The following SEPTIN9 variants were observed in gnomAD, a reference collection of about 807,000 sequenced individuals.
The protein encoded by SEPTIN9 is septin 9.
In SEPTIN9, 13 loss-of-function variants were observed where a neutral mutation model predicts 56.6. That is an observed-to-expected ratio of 0.23 (90% CI 0.15 to 0.37). The LOEUF is 0.37. Ranked by LOEUF, SEPTIN9 falls within the 10% of genes least tolerant of loss-of-function variation. SEPTIN9 has a pLI of 1.00. For synonymous variants in SEPTIN9, 332 were observed against 334.1 expected, an observed-to-expected ratio of 0.99 and a Z score of 0.07; for missense variants, 650 against 823.1, an observed-to-expected ratio of 0.79 and a Z score of 2.57.
intron 2 of SEPTIN9, chr17:77,320,074 TCCTCCCG>T: frequency 2.1e-6 from 3 of 1,420,930 alleles, no homozygotes; most frequent in Admixed American, 2.9e-5. Context: ...GCTCCCTTTT[TCCTCCCG>T]TTTTGAAGAG....
intron 1 of SEPTIN9, among the ~76,000 whole-genome samples, chr17:77,291,354 A>C (rs1402508525): frequency 2.7e-5 from 4 of 150,708 alleles, no homozygotes; most frequent in South Asian, 4.3e-4. Flanking sequence ...ATTTTTAAAA[A>C]ATTTTTGTAG....
At chr17:77,300,412 G>C (rs899373866) in intron 1 of SEPTIN9, among the ~76,000 whole-genome samples, 5 of 152,170 alleles carry the variant, frequency 3.3e-5, no homozygotes, top group African/African-American at 4.8e-5. Context: ...TAGGCAGGGG[G>C]TGGGGGCAAG....
chr17:77,463,395 T>C (rs2038570212), intron 3 of SEPTIN9, among the ~76,000 whole-genome samples: 1 of 152,208 alleles, frequency 6.6e-6, no homozygotes, highest in South Asian at 2.1e-4. Flanking sequence ...GCAGTGCTTG[T>C]GGCTGCAGCG....
chr17:77,297,891 C>T lies in SEPTIN9; in HGVS notation c.20-9250C>T, dbSNP rs2031885636. The stretch of plus-strand genomic sequence containing the variant: ...TGCTTTGGAATGAGTGGTGAGGGGT[C>T]ACAGAGATGATGACAGCTGAGTTGA... On this transcript the variant is annotated intron_variant, in intron 1 of 11. Transcript: ENST00000427177. Among the ~76,000 whole-genome samples the T allele has an allele frequency of 2.0e-5, 3 of 152,132 alleles. No individual in the cohort carries two copies. The South Asian group carries it at 6.2e-4, about 32-fold the overall frequency.
At chr17:77,316,843 A>T (rs1157201918) in intron 2 of SEPTIN9, among the ~76,000 whole-genome samples, 1 of 151,946 alleles carries the variant, frequency 6.6e-6, no homozygotes, top group Non-Finnish European at 1.5e-5. Context: ...AAGTGCTGAG[A>T]TTACAGGCAC....
At chr17:77,454,118 G>A in intron 3 of SEPTIN9, 1 of 985,798 alleles carries the variant, frequency 1.0e-6, no homozygotes, top group Non-Finnish European at 1.2e-6. Flanking sequence ...GGTAAGCTGT[G>A]GGGGCTCCTC....
At chr17:77,401,937 AGAGACCCC>A in intron 2 of SEPTIN9, 114 bp from the exon 3 acceptor site, 1 of 942,998 alleles carries the variant, frequency 1.1e-6, no homozygotes, top group Non-Finnish European at 1.6e-6. Flanking sequence ...AAGGACGGGA[AGAGACCCC>A]CGGCCCTCAC....
In SEPTIN9 at chr17:77,475,766, G is replaced by A; in HGVS notation, c.722-6378G>A. 6.2e-7 allele frequency: 1 copy of A among 1,613,104 alleles called. No homozygotes were observed. The highest frequency in any genetic ancestry group is 8.5e-7 in the Non-Finnish European group (1 of 1,179,896). On this transcript the variant is annotated intron_variant, in intron 3 of 11. Transcript: ENST00000427177. This position sits in a 1 kb window ranked among gnomAD's most constrained non-coding sequence, Gnocchi z 4.6. Reference sequence around the variant, plus strand: ...TGCCGGCAGCTTTCTCCTGGACACGGGCCTGGAAGGCTGACAGGGTGTGGT... The same window carrying A: ...TGCCGGCAGCTTTCTCCTGGACACGAGCCTGGAAGGCTGACAGGGTGTGGT...
intron 1 of SEPTIN9, among the ~76,000 whole-genome samples, chr17:77,285,376 G>A (rs1327333224): frequency 6.6e-6 from 1 of 152,110 alleles, no homozygotes; most frequent in Non-Finnish European, 1.5e-5. Context: ...TGGCACCTGG[G>A]AATTACTCTG....
In SEPTIN9 at chr17:77,319,034, C is replaced by A. The variant is rs567938125; in HGVS notation, c.76+11837C>A. On this transcript the variant is annotated intron_variant, in intron 2 of 11. Coordinates refer to ENST00000427177, the MANE Select transcript of SEPTIN9 (RefSeq NM_001113491.2). The surrounding 1 kb of genome is among the most constrained non-coding windows in gnomAD (Gnocchi z 5.3). ...GGAAGGCTTCCGTGGTGCGGCCACGCGTCCTCCCTTTCTCAACAGAAGCTG... is the reference window on the plus strand; with the variant it reads ...GGAAGGCTTCCGTGGTGCGGCCACGAGTCCTCCCTTTCTCAACAGAAGCTG... Among the ~76,000 whole-genome samples the A allele has an allele frequency of 3.1e-3, 477 of 152,338 alleles. 1 individual carries two copies. The highest frequency in any genetic ancestry group is 0.011 in the African/African-American group (449 of 41,572).
Position 77,402,563 on chromosome 17 carries a change from A to G in SEPTIN9, c.581A>G (p.Lys194Arg). ...AAGAGGGTGGAGATCCAGATGCCCA[A>G]GCCTGCTGAGGCGCCCACCGCCCCC... ...APKRVEIQMP[K>R]PAEAPTAPSP... The change falls in exon 3 of 12, where the codon AAG becomes AGG. Residue 194 changes from lysine to arginine, a missense_variant. This residue lies in a region of SEPTIN9 where 317 missense variants were observed against 329.1 expected (regional missense o/e 0.96). Transcript: ENST00000427177. This position sits in a 1 kb window ranked among gnomAD's most constrained non-coding sequence, Gnocchi z 6.6. 1.2e-6 allele frequency: 2 copies of G among 1,610,690 alleles called. No homozygotes were observed. The highest frequency in any genetic ancestry group is 1.7e-6 in the Non-Finnish European group (2 of 1,178,886).
rs1281887449 is a variant in SEPTIN9 at position 77,318,602 on chromosome 17, T to C, written c.76+11405T>C. On this transcript the variant is annotated intron_variant, in intron 2 of 11. Coordinates refer to ENST00000427177, the MANE Select transcript of SEPTIN9 (RefSeq NM_001113491.2). This position sits in a 1 kb window ranked among gnomAD's most constrained non-coding sequence, Gnocchi z 4.9. Reference sequence around the variant, plus strand: ...CCACCTCCCTCACTGTCTGGCTGCCTGTGGGGCTGTCCTCCAGGCTCTTTG... The same window carrying C: ...CCACCTCCCTCACTGTCTGGCTGCCCGTGGGGCTGTCCTCCAGGCTCTTTG... Among the ~76,000 whole-genome samples, 1 of 152,148 alleles carries C rather than the reference T, an allele frequency of 6.6e-6. No individual in the cohort carries two copies. Among genetic ancestry groups the C allele is most frequent in the East Asian group, 1.9e-4 (1 of 5,194 alleles).
chr17:77,494,417 G>C (rs1037663985), intron 10 of SEPTIN9, among the ~76,000 whole-genome samples: 3 of 152,246 alleles, frequency 2.0e-5, no homozygotes, highest in Non-Finnish European at 4.4e-5. Context: ...TTTGTTCTGG[G>C]AGAGCACTTG....
chr17:77,342,643 G>T (rs1197869580), intron 2 of SEPTIN9, among the ~76,000 whole-genome samples: 1 of 152,150 alleles, frequency 6.6e-6, no homozygotes, highest in African/African-American at 2.4e-5. Flanking sequence ...CTATTAAAGG[G>T]ATCACAAAGG....
intron 3 of SEPTIN9, among the ~76,000 whole-genome samples, chr17:77,441,743 G>C (rs770024068): frequency 2.0e-4 from 31 of 152,176 alleles, no homozygotes; most frequent in Admixed American, 6.5e-5. Context: ...GTGAACACCT[G>C]GTGCCTCTGT....
chr17:77,490,698 C>T, intron 7 of SEPTIN9, 44 bp from the exon 8 acceptor site: 3 of 1,452,370 alleles, frequency 2.1e-6, no homozygotes, highest in South Asian at 2.4e-5. Context: ...CCCCCCACTG[C>T]CCCGCTCCCC....
At chr17:77,403,297 G>A (rs1364833366) in intron 3 of SEPTIN9, among the ~76,000 whole-genome samples, 1 of 152,226 alleles carries the variant, frequency 6.6e-6, no homozygotes, top group African/African-American at 2.4e-5. Flanking sequence ...AACATGAGGA[G>A]CACCTTAGCC....
At chr17:77,376,546 C>T (rs907312039) in intron 2 of SEPTIN9, 20 of 277,040 alleles carry the variant, frequency 7.2e-5, no homozygotes, top group Middle Eastern at 1.8e-3. Context: ...CAAAGCAGGA[C>T]GAGCTCTGAG....
intron 1 of SEPTIN9, among the ~76,000 whole-genome samples, chr17:77,290,681 G>A (rs1337711228): frequency 6.6e-6 from 1 of 150,472 alleles, no homozygotes; most frequent in Non-Finnish European, 1.5e-5. Context: ...TGGGTGCAGT[G>A]GCGGGCGCCT....
Sources: gnomAD v4.1 joint callset for allele counts (sites outside exome capture counted in the v4.1 genomes callset) on GRCh38, gnomAD v4.1.1 for gene constraint, gnomAD v4.1.1 regional missense constraint, Gnocchi (gnomAD v3.1) non-coding constraint, MANE v1.5 for transcripts, NCBI Gene and HGNC (gene_info 2026-07-23, HGNC 2026-07-21) for gene names.